The following ACOT7 variants were observed in gnomAD, a reference collection of about 807,000 sequenced individuals.
ACOT7 encodes the protein acyl-CoA thioesterase 7.
In ACOT7, 12 loss-of-function variants were observed where a neutral mutation model predicts 40.2. That is an observed-to-expected ratio of 0.30 (90% CI 0.19 to 0.48). The LOEUF is 0.48. ACOT7 is among the 20% of genes least tolerant of loss of function. The pLI, the probability that ACOT7 is intolerant of heterozygous loss-of-function variation, is 0.99. For missense variants in ACOT7, 395 were observed against 530.8 expected (o/e 0.74, Z 2.51); for synonymous variants, 228 against 219.5 (o/e 1.04, Z -0.34).
At position 6,355,299 on chromosome 1, in the gene ACOT7, C is replaced by T. The variant is rs1270432743; in HGVS notation, c.144-5433G>A. ...CCAGGATTCCACTCGCAGAAATTTA[C>T]CCCACAGCTGTTTCCACACACGGTT... is the stretch of plus-strand genomic sequence containing the variant. On this transcript the variant is annotated intron_variant, in intron 1 of 8. Transcript: ENST00000361521. This position sits in a 1 kb window ranked among gnomAD's most constrained non-coding sequence, Gnocchi z 5.0. 5.9e-5 allele frequency among the ~76,000 whole-genome samples: 9 copies of T among 152,234 alleles called. No individual in the cohort carries two copies. Among genetic ancestry groups the T allele is most frequent in the Non-Finnish European group, 1.3e-4 (9 of 68,046 alleles).
chr1:6,358,719 G>A lies in ACOT7; in HGVS notation c.144-8853C>T. On this transcript the variant is annotated intron_variant, in intron 1 of 8. Transcript: ENST00000361521. This position sits in a 1 kb window ranked among gnomAD's most constrained non-coding sequence, Gnocchi z 4.1. Reference sequence around the variant, plus strand: ...TGCATGACACCAGCCAGCCTGCTGGGCACAGGGGCCGAGTCCCCTCTACCC... The same window carrying A: ...TGCATGACACCAGCCAGCCTGCTGGACACAGGGGCCGAGTCCCCTCTACCC... 1 of 1,175,890 alleles carries A rather than the reference G, an allele frequency of 8.5e-7. No homozygotes were observed. The highest frequency in any genetic ancestry group is 1.2e-6 in the Non-Finnish European group (1 of 804,308). The allele number at this position is 1,175,890 out of a possible 1,614,324, so 72.8% of individuals were successfully genotyped here.
chr1:6,315,753 TAAAAAAAAA>T (rs61115908), intron 6 of ACOT7, among the ~76,000 whole-genome samples: 1 of 83,608 alleles, frequency 1.2e-5, no homozygotes, highest in African/African-American at 3.9e-5. Context: ...AGACTCTGTC[TAAAAAAAAA>T]AAAAAAAAAA....
At chr1:6,325,402 T>TTAA (rs1553158812) in intron 5 of ACOT7, among the ~76,000 whole-genome samples, 2 of 145,534 alleles carry the variant, frequency 1.4e-5, no homozygotes, top group African/African-American at 5.0e-5. Flanking sequence ...TGCCTCAAAT[T>TTAA]AAAAAAAAAA....
At chr1:6,360,636 C>G in intron 1 of ACOT7, 2 of 1,614,242 alleles carry the variant, frequency 1.2e-6, no homozygotes, top group South Asian at 2.2e-5. Flanking sequence ...TGACAAGCTT[C>G]TCCGAAGCAG....
chr1:6,290,911 G>A (rs1639644160), intron 7 of ACOT7, among the ~76,000 whole-genome samples: 1 of 152,204 alleles, frequency 6.6e-6, no homozygotes, highest in African/African-American at 2.4e-5. Flanking sequence ...GGGCCCCTGG[G>A]GGACTGCTGG....
chr1:6,330,656 G>C lies in ACOT7; in HGVS notation c.510+2821C>G, dbSNP rs529592736. On this transcript the variant is annotated intron_variant, in intron 4 of 8. Coordinates refer to ENST00000361521, the MANE Select transcript of ACOT7 (RefSeq NM_007274.4). The surrounding 1 kb of genome is among the most constrained non-coding windows in gnomAD (Gnocchi z 4.6). ...AGCTAATTACTGGGCAAGGAGAGGC[G>C]AGGCTAACAGGGGCCACGCTGAAAG... Among the ~76,000 whole-genome samples, 5 of 152,150 alleles carry C rather than the reference G, an allele frequency of 3.3e-5. No homozygotes were observed. The highest frequency in any genetic ancestry group is 5.9e-5 in the Non-Finnish European group (4 of 68,022).
intron 1 of ACOT7, among the ~76,000 whole-genome samples, chr1:6,391,209 CTT>C (rs1642526910): frequency 6.8e-6 from 1 of 146,614 alleles, no homozygotes; most frequent in African/African-American, 2.5e-5. Context: ...GGCACAAGAA[CTT>C]TTTCCAGCTG....
intron 6 of ACOT7, among the ~76,000 whole-genome samples, chr1:6,310,322 C>T (rs553392088): frequency 2.5e-4 from 38 of 152,222 alleles, no homozygotes; most frequent in Non-Finnish European, 4.6e-4. Context: ...TCCAGAGAGC[C>T]CCAGGGTCCT....
At chr1:6,277,114 G>A (rs893893981) in intron 8 of ACOT7, among the ~76,000 whole-genome samples, 2 of 152,328 alleles carry the variant, frequency 1.3e-5, no homozygotes, top group Non-Finnish European at 2.9e-5. Context: ...CCACACAAGG[G>A]TGGACCCCCT....
chr1:6,272,258 A>C (rs1639058856), intron 8 of ACOT7, among the ~76,000 whole-genome samples: 3 of 152,264 alleles, frequency 2.0e-5, no homozygotes, highest in African/African-American at 4.8e-5. Context: ...TGAATGAATG[A>C]ATGAATGATC....
chr1:6,370,359 T>C (rs992199635), intron 1 of ACOT7, among the ~76,000 whole-genome samples: 5 of 152,028 alleles, frequency 3.3e-5, no homozygotes, highest in African/African-American at 1.2e-4. Context: ...GCCACACAAA[T>C]GGACTAAAGC....
intron 8 of ACOT7, among the ~76,000 whole-genome samples, chr1:6,268,789 C>G (rs985058301): frequency 6.6e-6 from 1 of 152,244 alleles, no homozygotes; most frequent in Non-Finnish European, 1.5e-5. Flanking sequence ...GCGGAGCCCT[C>G]GAGTCCCCTA....
intron 1 of ACOT7, among the ~76,000 whole-genome samples, chr1:6,381,321 T>C (rs891985674): frequency 6.6e-6 from 1 of 151,764 alleles, no homozygotes; most frequent in East Asian, 1.9e-4. Flanking sequence ...AGTTTAGCAA[T>C]ATATTTAATT....
chr1:6,287,949 G>A (rs1424143035), intron 7 of ACOT7, among the ~76,000 whole-genome samples: 1 of 151,940 alleles, frequency 6.6e-6, no homozygotes, highest in Non-Finnish European at 1.5e-5. Flanking sequence ...AGTGGAGATC[G>A]TTTCTCCCCA....
At chr1:6,324,952 C>T (rs1196876706) in intron 5 of ACOT7, among the ~76,000 whole-genome samples, 3 of 152,230 alleles carry the variant, frequency 2.0e-5, no homozygotes, top group Non-Finnish European at 4.4e-5. Context: ...CCGTTGCTCC[C>T]ATCCCATCCC....
In ACOT7 at chr1:6,358,817, T is replaced by C. The variant is rs1288727540; in HGVS notation, c.144-8951A>G. 2 of 1,613,700 alleles carry C rather than the reference T, an allele frequency of 1.2e-6. No homozygotes were observed. The highest frequency in any genetic ancestry group is 3.3e-5 in the Admixed American group (2 of 60,012). ...TGCACGGCCTAGACATGCCCATGAC[T>C]GGCAGTACCTGCTCAGCTGGAAAGC... On this transcript the variant is annotated intron_variant, in intron 1 of 8. Transcript: ENST00000361521. This position sits in a 1 kb window ranked among gnomAD's most constrained non-coding sequence, Gnocchi z 4.1.
chr1:6,347,593 C>T (rs992555995), intron 2 of ACOT7, among the ~76,000 whole-genome samples: 4 of 152,062 alleles, frequency 2.6e-5, no homozygotes, highest in Non-Finnish European at 5.9e-5. Context: ...GGTGAAACCC[C>T]ATCTCTACTA....
At chr1:6,332,313 C>T (rs879598522) in intron 4 of ACOT7, among the ~76,000 whole-genome samples, 34 of 152,204 alleles carry the variant, frequency 2.2e-4, no homozygotes, top group Non-Finnish European at 4.0e-4. Context: ...GGTCAGGCTG[C>T]GGGAGGAGCT....
chr1:6,334,460 G>C (rs1195464475), intron 3 of ACOT7, among the ~76,000 whole-genome samples: 1 of 152,230 alleles, frequency 6.6e-6, no homozygotes, highest in African/African-American at 2.4e-5. Flanking sequence ...GGGCAGGGGG[G>C]ACGGCCAGGG....
Sources: gnomAD v4.1 joint callset for allele counts (sites outside exome capture counted in the v4.1 genomes callset) on GRCh38, gnomAD v4.1.1 for gene constraint, Gnocchi (gnomAD v3.1) non-coding constraint, MANE v1.5 for transcripts, NCBI Gene and HGNC (gene_info 2026-07-23, HGNC 2026-07-21) for gene names.